GFRA1: variants seen among roughly 807,000 people sequenced by gnomAD.
GFRA1 encodes the protein GDNF family receptor alpha 1, also known as GDNF family receptor alpha-1.
GFRA1 carries 16 observed loss-of-function variants against 51.6 expected under a neutral mutation model. That is an observed-to-expected ratio of 0.31 (90% CI 0.21 to 0.47). The LOEUF (loss-of-function observed/expected upper bound fraction) is 0.47, where lower values mean the gene tolerates loss of function less well. Among genes scored for constraint, GFRA1 ranks in the 20% least tolerant of loss-of-function variants. The pLI is 1.00. For synonymous variants in GFRA1, 270 were observed against 241.3 expected, an observed-to-expected ratio of 1.12 and a Z score of -1.10; for missense variants, 530 against 594.3, an observed-to-expected ratio of 0.89 and a Z score of 1.13.
intron 5 of GFRA1, among the ~76,000 whole-genome samples, chr10:116,136,659 G>T (rs139466294): frequency 1.3e-5 from 2 of 152,334 alleles, no homozygotes; most frequent in African/African-American, 4.8e-5. Context: ...TTATCTCTGT[G>T]TGTGCTGTGC....
chr10:116,072,454 A>G (rs1202971535), intron 9 of GFRA1, among the ~76,000 whole-genome samples: 1 of 152,158 alleles, frequency 6.6e-6, no homozygotes, highest in Non-Finnish European at 1.5e-5. Flanking sequence ...CTTGACTGAT[A>G]TGCCACGGTA....
At chr10:116,086,578 C>T (rs1956109426) in intron 9 of GFRA1, among the ~76,000 whole-genome samples, 1 of 152,142 alleles carries the variant, frequency 6.6e-6, no homozygotes, top group Non-Finnish European at 1.5e-5. Context: ...CTCATTTGTG[C>T]AAAAAGGGGC....
At position 116,269,738 on chromosome 10, in the gene GFRA1, G is replaced by T. The variant is rs1969950331; in HGVS notation, c.335-152C>A. 4 of 671,578 alleles carry T rather than the reference G, an allele frequency of 6.0e-6. No individual in the cohort carries two copies. The South Asian group carries it at 6.7e-5, about 11-fold the overall frequency. 41.6% of individuals were successfully genotyped at this position (671,578 alleles called of 1,614,324 possible). On this transcript the variant is annotated intron_variant, in intron 3 of 10. Transcript: ENST00000355422. ...TTTCAAATGCATCTCTTTCACTATGGTTATTTCTTTTCATTCCCTCCGCCT... is the reference window on the plus strand; with the variant it reads ...TTTCAAATGCATCTCTTTCACTATGTTTATTTCTTTTCATTCCCTCCGCCT...
At chr10:116,182,201 C>A (rs1477774318) in intron 5 of GFRA1, among the ~76,000 whole-genome samples, 1 of 151,796 alleles carries the variant, frequency 6.6e-6, no homozygotes, top group Non-Finnish European at 1.5e-5. Flanking sequence ...AAAGGACTGT[C>A]CCTTGTACAG....
At chr10:116,257,895 G>A (rs1231820854) in intron 4 of GFRA1, among the ~76,000 whole-genome samples, 1 of 152,074 alleles carries the variant, frequency 6.6e-6, no homozygotes, top group Non-Finnish European at 1.5e-5. Flanking sequence ...CTCCAGCCAC[G>A]GCAAACCCTG....
upstream of GFRA1, chr10:116,273,250 C>T (rs1430191532): frequency 6.6e-6 from 1 of 152,052 alleles, no homozygotes; most frequent in East Asian, 1.9e-4. Flanking sequence ...GTGTCCCCGC[C>T]CCCTCCTTCC....
At chr10:116,129,012 C>T (rs1238143553) in intron 5 of GFRA1, among the ~76,000 whole-genome samples, 1 of 152,054 alleles carries the variant, frequency 6.6e-6, no homozygotes, top group Non-Finnish European at 1.5e-5. Context: ...GCCAGAGCAC[C>T]ATCTCCTTAC....
chr10:116,270,532 A>G (rs973256682), intron 3 of GFRA1, among the ~76,000 whole-genome samples: 2 of 152,144 alleles, frequency 1.3e-5, no homozygotes, highest in African/African-American at 2.4e-5. Flanking sequence ...GGGGCCCTTT[A>G]GTGGGATCCT....
Position 116,064,118 on chromosome 10 carries a change from C to T in GFRA1, c.*280G>A. The T allele has an allele frequency of 8.6e-6, 3 of 349,910 alleles. No individual in the cohort carries two copies. Among genetic ancestry groups the T allele is most frequent in the African/African-American group, 2.2e-5 (1 of 46,278 alleles). 21.7% of individuals were successfully genotyped at this position (349,910 alleles called of 1,614,324 possible). A position where few individuals can be genotyped will look rare whatever the true frequency, so the allele number is the denominator to read the frequency against. ...TCATCATCATCATCGAAAACACAGC[C>T]CCAGTTTGCTTTACAGCCCAAGTTA... On this transcript the variant is annotated 3_prime_UTR_variant, in exon 11 of 11. Coordinates refer to ENST00000355422, the MANE Select transcript of GFRA1 (RefSeq NM_005264.8).
At chr10:116,273,891 G>A (rs961218659), upstream of GFRA1, among the ~76,000 whole-genome samples, 3 of 151,982 alleles carry the variant, frequency 2.0e-5, no homozygotes, top group African/African-American at 7.2e-5. Flanking sequence ...GCGCCCATCC[G>A]TTCGTCCACG....
intron 5 of GFRA1, among the ~76,000 whole-genome samples, chr10:116,208,196 G>A (rs1342715580): frequency 6.6e-6 from 1 of 151,896 alleles, no homozygotes; most frequent in Non-Finnish European, 1.5e-5. Flanking sequence ...TCCTCCCCCA[G>A]ATACTTCAGT....
intron 7 of GFRA1, among the ~76,000 whole-genome samples, chr10:116,096,022 G>A (rs772892100): frequency 3.3e-5 from 5 of 152,018 alleles, no homozygotes; most frequent in Non-Finnish European, 5.9e-5. Flanking sequence ...GCAGTCATGC[G>A]TAATCACACT....
chr10:116,266,213 A>C (rs1233939582), intron 4 of GFRA1, among the ~76,000 whole-genome samples: 1 of 152,102 alleles, frequency 6.6e-6, no homozygotes, highest in East Asian at 1.9e-4. Context: ...GATTCAGCTC[A>C]CCCTTAGTGT....
At position 116,059,298 on chromosome 10, in the gene GFRA1, A is replaced by G. The variant is rs1303223491; in HGVS notation, c.*5100T>C. 20 of 152,262 alleles carry G rather than the reference A, an allele frequency of 1.3e-4. No individual in the cohort carries two copies. The highest frequency in any genetic ancestry group is 1.3e-3 in the Admixed American group (20 of 15,286). 9.4% of individuals were successfully genotyped at this position (152,262 alleles called of 1,614,324 possible). On this transcript the variant is annotated 3_prime_UTR_variant, in exon 11 of 11. Transcript: ENST00000355422. ...AGATGTTCAAACTAAGTAAGAGTCT[A>G]AAGATCTCTGGCCAGTCTCCTGGCG...
intron 4 of GFRA1, among the ~76,000 whole-genome samples, chr10:116,214,035 G>A (rs1214960425): frequency 6.6e-6 from 1 of 152,094 alleles, no homozygotes; most frequent in Non-Finnish European, 1.5e-5. Flanking sequence ...TACAAATTCT[G>A]ATCCAGTAGT....
intron 5 of GFRA1, among the ~76,000 whole-genome samples, chr10:116,200,032 G>A (rs983339364): frequency 6.6e-6 from 1 of 152,190 alleles, no homozygotes; most frequent in Non-Finnish European, 1.5e-5. Context: ...AATTCATCAT[G>A]TTGTTGTGTG....
At chr10:116,134,902 G>C (rs1958258638) in intron 5 of GFRA1, among the ~76,000 whole-genome samples, 1 of 152,170 alleles carries the variant, frequency 6.6e-6, no homozygotes, top group Non-Finnish European at 1.5e-5. Flanking sequence ...TGTAAGTGGT[G>C]TGCAAGTCAC....
At chr10:116,181,648 T>G (rs1025232381) in intron 5 of GFRA1, among the ~76,000 whole-genome samples, 1 of 152,080 alleles carries the variant, frequency 6.6e-6, no homozygotes, top group Non-Finnish European at 1.5e-5. Flanking sequence ...GTTTTTTTGT[T>G]TTTTTTTGAG....
chr10:116,085,829 G>A (rs1313167641), intron 9 of GFRA1, among the ~76,000 whole-genome samples: 1 of 152,190 alleles, frequency 6.6e-6, no homozygotes, highest in African/African-American at 2.4e-5. Context: ...GAGGCATGAA[G>A]AAAGAAACCC....
Sources: gnomAD v4.1 joint callset for allele counts (sites outside exome capture counted in the v4.1 genomes callset) on GRCh38, gnomAD v4.1.1 for gene constraint, MANE v1.5 for transcripts, NCBI Gene and HGNC (gene_info 2026-07-23, HGNC 2026-07-21) for gene names.